The following FRMD5 variants were observed in gnomAD, a reference collection of about 807,000 sequenced individuals.
FRMD5 encodes the protein FERM domain containing 5, also known as FERM domain-containing protein 5.
Under a neutral mutation model 69.0 loss-of-function variants are expected in FRMD5, and 20 were observed. That is an observed-to-expected ratio of 0.29 (90% CI 0.20 to 0.42). The LOEUF is 0.42. FRMD5 is among the 10% of genes least tolerant of loss of function. The pLI is 1.00. For missense variants in FRMD5, 595 were observed against 708.6 expected, an observed-to-expected ratio of 0.84 and a Z score of 1.82; for synonymous variants, 271 against 260.1, an observed-to-expected ratio of 1.04 and a Z score of -0.40.
intron 1 of FRMD5, among the ~76,000 whole-genome samples, chr15:44,096,223 A>G (rs1054738385): frequency 6.6e-6 from 1 of 151,278 alleles, no homozygotes; most frequent in Admixed American, 6.6e-5. Context: ...AAAAAAAAAA[A>G]AAAAAAGAGT....
intron 1 of FRMD5, among the ~76,000 whole-genome samples, chr15:43,995,518 G>A (rs1359504485): frequency 6.6e-6 from 1 of 152,034 alleles, no homozygotes; most frequent in East Asian, 1.9e-4. Context: ...CATGGTTCAT[G>A]GAGACTGTCC....
intron 1 of FRMD5, among the ~76,000 whole-genome samples, chr15:43,986,798 T>C (rs1262604283): frequency 2.0e-5 from 3 of 151,358 alleles, no homozygotes; most frequent in Non-Finnish European, 4.4e-5. Flanking sequence ...TGTGGGGTTT[T>C]TGTTTTTTTT....
At chr15:43,880,381 G>GGGGTGGGCAGTTAGTTA (rs1482852625) in intron 13 of FRMD5, among the ~76,000 whole-genome samples, 1 of 152,074 alleles carries the variant, frequency 6.6e-6, no homozygotes, top group Non-Finnish European at 1.5e-5. Flanking sequence ...CTCCCTGGTT[G>GGGGTGGGCAGTTAGTTA]GGGTGGGCAG....
At chr15:44,001,236 C>T (rs1890197678) in intron 1 of FRMD5, among the ~76,000 whole-genome samples, 1 of 152,124 alleles carries the variant, frequency 6.6e-6, no homozygotes, top group South Asian at 2.1e-4. Context: ...CTCCTATGCC[C>T]ATTTTTAAAT....
At chr15:43,885,537 T>G (rs2088641853) in intron 11 of FRMD5, 144 bp downstream of exon 11, 3 of 690,126 alleles carry the variant, frequency 4.3e-6, no homozygotes, top group Non-Finnish European at 7.9e-6. Context: ...AGTAAAAGGG[T>G]CATAAGATGG....
chr15:43,992,665 G>A (rs116413225), intron 1 of FRMD5, among the ~76,000 whole-genome samples: 2,907 of 152,010 alleles, frequency 0.019, 88 homozygotes, highest in African/African-American at 0.066. Context: ...GGTGTGAGCC[G>A]CTGCACCCGG....
intron 1 of FRMD5, among the ~76,000 whole-genome samples, chr15:44,156,613 T>A (rs1317774668): frequency 6.6e-6 from 1 of 152,216 alleles, no homozygotes; most frequent in African/African-American, 2.4e-5. Context: ...CAGGAACATA[T>A]ATATGATCTA....
chr15:43,938,480 T>C (rs886219168), intron 1 of FRMD5, among the ~76,000 whole-genome samples: 2 of 152,220 alleles, frequency 1.3e-5, no homozygotes, highest in South Asian at 2.1e-4. Flanking sequence ...TTTTCTCATA[T>C]AGCTGCTGCA....
chr15:44,167,655 T>A (rs1353858565), intron 1 of FRMD5, among the ~76,000 whole-genome samples: 1 of 151,982 alleles, frequency 6.6e-6, no homozygotes, highest in Non-Finnish European at 1.5e-5. Flanking sequence ...AATGGCACAA[T>A]CTTGGCTCAC....
Position 43,903,488 on chromosome 15 carries a change from A to G in FRMD5, c.552-1226T>C, listed in dbSNP as rs117909839. ...ATACAGTCTGTGCTCTCAAAAGCCCATATCACAGTTGCATAAAGGAAGCAT... is the reference window on the plus strand; with the variant it reads ...ATACAGTCTGTGCTCTCAAAAGCCCGTATCACAGTTGCATAAAGGAAGCAT... On this transcript the variant is annotated intron_variant, in intron 6 of 13. Coordinates refer to ENST00000417257, the MANE Select transcript of FRMD5 (RefSeq NM_032892.5). 5.6e-3 allele frequency among the ~76,000 whole-genome samples: 850 copies of G among 152,348 alleles called. 4 individuals carry two copies. The highest frequency in any genetic ancestry group is 8.1e-3 in the Non-Finnish European group (550 of 68,034).
intron 1 of FRMD5, among the ~76,000 whole-genome samples, chr15:44,019,794 A>G (rs1004183886): frequency 7.3e-5 from 11 of 151,016 alleles, no homozygotes; most frequent in African/African-American, 2.7e-4. Flanking sequence ...AGAAAGAAAG[A>G]AAAAAAAGAA....
intron 1 of FRMD5, among the ~76,000 whole-genome samples, chr15:43,929,178 G>A (rs967036258): frequency 6.6e-6 from 1 of 152,150 alleles, no homozygotes; most frequent in African/African-American, 2.4e-5. Flanking sequence ...CCTGGTTCTG[G>A]TTCTCTATGG....
At chr15:44,100,165 T>A (rs769931568) in intron 1 of FRMD5, among the ~76,000 whole-genome samples, 1 of 151,538 alleles carries the variant, frequency 6.6e-6, no homozygotes, top group Non-Finnish European at 1.5e-5. Flanking sequence ...GTGATTCTCC[T>A]GTCTCAGCCT....
intron 1 of FRMD5, among the ~76,000 whole-genome samples, chr15:44,102,057 T>G (rs768508071): frequency 2.3e-4 from 35 of 152,232 alleles, no homozygotes; most frequent in Admixed American, 5.9e-4. Flanking sequence ...AGCAGTCCAC[T>G]TGGCACCATT....
intron 1 of FRMD5, among the ~76,000 whole-genome samples, chr15:43,965,927 T>C (rs2090288142): frequency 6.6e-6 from 1 of 152,126 alleles, no homozygotes; most frequent in South Asian, 2.1e-4. Flanking sequence ...GAGGGTAGTA[T>C]TAATATGCTA....
At chr15:44,120,809 T>G (rs2140654198) in intron 1 of FRMD5, among the ~76,000 whole-genome samples, 1 of 151,968 alleles carries the variant, frequency 6.6e-6, no homozygotes, top group East Asian at 1.9e-4. Flanking sequence ...ACTACAGGCG[T>G]GAGCCACCGT....
intron 1 of FRMD5, among the ~76,000 whole-genome samples, chr15:44,135,118 T>A (rs2077162703): frequency 2.0e-5 from 3 of 152,092 alleles, no homozygotes; most frequent in Admixed American, 1.3e-4. Flanking sequence ...AAAGTTTGAA[T>A]CCCCAAATCT....
intron 1 of FRMD5, among the ~76,000 whole-genome samples, chr15:44,186,975 TG>T (rs2078112911): frequency 6.6e-6 from 1 of 152,216 alleles, no homozygotes; most frequent in African/African-American, 2.4e-5. Context: ...AAGCTATTTT[TG>T]GTGGCCACTT....
intron 1 of FRMD5, among the ~76,000 whole-genome samples, chr15:43,987,734 G>C (rs1465304881): frequency 6.6e-6 from 1 of 152,024 alleles, no homozygotes; most frequent in Non-Finnish European, 1.5e-5. Flanking sequence ...ATTTTTAGTA[G>C]AGATGGGGTT....
Sources: allele counts gnomAD v4.1 joint callset (sites outside exome capture counted in the v4.1 genomes callset), GRCh38; gene constraint gnomAD v4.1.1; transcripts MANE v1.5; gene names NCBI Gene and HGNC (gene_info 2026-07-23, HGNC 2026-07-21).